ANGPTL5: variants seen among roughly 807,000 people sequenced by gnomAD.
ANGPTL5 encodes angiopoietin-related protein 5.
ANGPTL5 carries 34 observed loss-of-function variants against 39.4 expected under a neutral mutation model. That is an observed-to-expected ratio of 0.86 (90% confidence interval 0.66 to 1.15). The LOEUF is 1.15. ANGPTL5 is among the 50% of genes most tolerant of loss of function. ANGPTL5 has a pLI of 0.00. For missense variants in ANGPTL5, 467 were observed against 457.5 expected, an observed-to-expected ratio of 1.02 and a Z score of -0.19; for synonymous variants, 146 against 152.1, an observed-to-expected ratio of 0.96 and a Z score of 0.29.
At chr11:101,894,736 T>C in intron 8 of ANGPTL5, 143 bp downstream of exon 8, 1 of 834,522 alleles carries the variant, frequency 1.2e-6, no homozygotes, top group Non-Finnish European at 1.9e-6. Flanking sequence ...AACTCAAGAC[T>C]TGGCCAGCTT....
chr11:101,915,784 A>G (rs1197605218), intron 1 of ANGPTL5, among the ~76,000 whole-genome samples: 2 of 152,240 alleles, frequency 1.3e-5, no homozygotes, highest in Non-Finnish European at 2.9e-5. Context: ...AATTACACAA[A>G]TAAGTAAAAT....
chr11:101,900,036 A>G (rs1015600699), intron 7 of ANGPTL5, among the ~76,000 whole-genome samples: 1 of 152,240 alleles, frequency 6.6e-6, no homozygotes, highest in Non-Finnish European at 1.5e-5. Flanking sequence ...CACATACCTC[A>G]ATTCGCCATT....
chr11:101,911,314 G>A (rs181109582), intron 1 of ANGPTL5, among the ~76,000 whole-genome samples: 1 of 151,554 alleles, frequency 6.6e-6, no homozygotes, highest in Admixed American at 6.6e-5. Context: ...AGTAGAGATG[G>A]GGTTTCACCA....
chr11:101,905,513 C>T (rs1034896571), intron 4 of ANGPTL5, among the ~76,000 whole-genome samples: 6 of 152,178 alleles, frequency 3.9e-5, no homozygotes, highest in African/African-American at 1.4e-4. Context: ...GCCATTCTAG[C>T]AACCACATTT....
intron 6 of ANGPTL5, among the ~76,000 whole-genome samples, chr11:101,902,310 G>A (rs902244880): frequency 2.0e-5 from 3 of 152,042 alleles, no homozygotes; most frequent in Admixed American, 2.0e-4. Context: ...GCATAGTTCT[G>A]CCTGCTATAG....
intron 5 of ANGPTL5, among the ~76,000 whole-genome samples, chr11:101,903,832 A>C (rs1225538145): frequency 6.6e-6 from 1 of 152,124 alleles, no homozygotes; most frequent in East Asian, 1.9e-4. Flanking sequence ...TTATCTGATG[A>C]TGATGATCAT....
At chr11:101,895,746 A>G (rs1321599339) in intron 7 of ANGPTL5, among the ~76,000 whole-genome samples, 1 of 152,182 alleles carries the variant, frequency 6.6e-6, no homozygotes, top group African/African-American at 2.4e-5. Flanking sequence ...TCTTGCATAC[A>G]TATTCTAGCC....
intron 1 of ANGPTL5, chr11:101,915,490 A>G (rs899992884): frequency 1.1e-4 from 164 of 1,528,162 alleles, no homozygotes; most frequent in Non-Finnish European, 1.4e-4. Flanking sequence ...GATTCCCATT[A>G]CCTTTGACGC....
chr11:101,914,962 C>T, intron 1 of ANGPTL5: 2 of 277,448 alleles, frequency 7.2e-6, no homozygotes, highest in East Asian at 1.3e-4. Context: ...TCGGGCACAT[C>T]GTCCCGCCCC....
At chr11:101,913,457 C>G (rs80048244) in intron 1 of ANGPTL5, among the ~76,000 whole-genome samples, 4,449 of 152,284 alleles carry the variant, frequency 0.029, 75 homozygotes, top group Middle Eastern at 0.034. Context: ...TTCAAAGTAC[C>G]TGCCTCTTTA....
At chr11:101,898,434 C>T (rs1157747663) in intron 7 of ANGPTL5, among the ~76,000 whole-genome samples, 1 of 152,108 alleles carries the variant, frequency 6.6e-6, no homozygotes, top group African/African-American at 2.4e-5. Flanking sequence ...GGAGTTGACT[C>T]ATGATTTGGC....
chr11:101,901,046 TTTTGTATG>T (rs1939889907), intron 6 of ANGPTL5, among the ~76,000 whole-genome samples: 3 of 149,544 alleles, frequency 2.0e-5, no homozygotes. Context: ...TCTTTTGTAT[TTTTGTATG>T]TTTTAGTAGA....
At chr11:101,913,954 T>C (rs1565344894) in intron 1 of ANGPTL5, among the ~76,000 whole-genome samples, 1 of 152,246 alleles carries the variant, frequency 6.6e-6, no homozygotes, top group Non-Finnish European at 1.5e-5. Context: ...CCTGTTGGTA[T>C]GCTTCTGAAG....
At chr11:101,897,030 T>C (rs998081905) in intron 7 of ANGPTL5, among the ~76,000 whole-genome samples, 3 of 152,238 alleles carry the variant, frequency 2.0e-5, no homozygotes, top group African/African-American at 7.2e-5. Flanking sequence ...GTTTCCTGAC[T>C]TTTTACTTAT....
At chr11:101,902,792 A>T in intron 5 of ANGPTL5, 71 bp from the exon 6 acceptor site, 1 of 916,394 alleles carries the variant, frequency 1.1e-6, no homozygotes, top group Non-Finnish European at 1.8e-6. Context: ...TACTATAGAG[A>T]ATTGATAGTG....
At chr11:101,907,710 T>C in intron 2 of ANGPTL5, 104 bp downstream of exon 2, 1 of 776,734 alleles carries the variant, frequency 1.3e-6, no homozygotes, top group Non-Finnish European at 2.1e-6. Context: ...AATTGTTCCA[T>C]AAATTATATT....
chr11:101,895,586 C>G (rs1251661608), intron 7 of ANGPTL5, among the ~76,000 whole-genome samples: 1 of 152,152 alleles, frequency 6.6e-6, no homozygotes, highest in Non-Finnish European at 1.5e-5. Context: ...TCTTAACAGA[C>G]ACTTCTTTGC....
At chr11:101,909,498 G>A (rs57645509) in intron 1 of ANGPTL5, among the ~76,000 whole-genome samples, 6,842 of 152,168 alleles carry the variant, frequency 0.045, 214 homozygotes, top group African/African-American at 0.087. Context: ...ATATTAATAG[G>A]CAAATACACA....
chr11:101,906,960 G>T (rs1940007067), intron 3 of ANGPTL5, 143 bp downstream of exon 3: 2 of 618,344 alleles, frequency 3.2e-6, no homozygotes, highest in Non-Finnish European at 5.4e-6. Flanking sequence ...ACCTATTATG[G>T]GCCAAACAAT....
Sources: gnomAD v4.1 joint callset for allele counts (sites outside exome capture counted in the v4.1 genomes callset) on GRCh38, gnomAD v4.1.1 for gene constraint, MANE v1.5 for transcripts, NCBI Gene and HGNC (gene_info 2026-07-23, HGNC 2026-07-21) for gene names.